WDFY4: variants seen among roughly 807,000 people sequenced by gnomAD.
WDFY4 encodes WD repeat- and FYVE domain-containing protein 4.
A neutral mutation model predicts 351.9 loss-of-function variants in WDFY4; 169 were observed. The ratio of observed to expected loss-of-function variants is 0.48; its 90% CI spans 0.42 to 0.55. The LOEUF (loss-of-function observed/expected upper bound fraction) is 0.55, where lower values mean the gene tolerates loss of function less well. WDFY4 is among the 20% of genes least tolerant of loss of function. The probability of loss-of-function intolerance (pLI) is 0.00; values close to 1 mark genes in which losing one functional copy is unlikely to be tolerated. For synonymous variants in WDFY4, 1,622 were observed against 1,574.6 expected (o/e 1.03, Z -0.71); for missense variants, 3,803 against 3,935.6 (o/e 0.97, Z 0.90).
At chr10:48,898,091 C>T (rs536330362) in intron 45 of WDFY4, among the ~76,000 whole-genome samples, 3 of 152,138 alleles carry the variant, frequency 2.0e-5, no homozygotes, top group African/African-American at 7.2e-5. Context: ...GCTGCCCCCT[C>T]CAACCAGGAT....
At position 48,820,255 on chromosome 10, in the gene WDFY4, C is replaced by G. The variant is rs747717433; in HGVS notation, c.5527C>G (p.Arg1843Gly). Residue 1843 changes from arginine to glycine, a missense_variant, in exon 33 of 62, where the codon CGG (arginine) becomes GGG (glycine). Transcript: ENST00000325239. ...AQKGVGAEST[R>G]NTSSPEAAAE... ...TGAGGGGGTTGGGGCTGAGTCCACC[C>G]GGAACACCAGCAGTCCTGAGGCCGC... 2 of 1,551,524 alleles carry G rather than the reference C, an allele frequency of 1.3e-6. No individual in the cohort carries two copies. The highest frequency in any genetic ancestry group is 2.7e-5 in the African/African-American group (2 of 73,020).
Position 48,798,952 on chromosome 10 carries a change from A to G in WDFY4, c.4410+2502A>G, listed in dbSNP as rs143672112. Among the ~76,000 whole-genome samples, 197 of 152,326 alleles carry G rather than the reference A, an allele frequency of 1.3e-3. 2 individuals carry two copies. In the Middle Eastern group the frequency reaches 0.014, roughly 11 times the overall value. The stretch of plus-strand genomic sequence containing the variant: ...CCTGGAGAATGGGCTCCCTGTGCAC[A>G]AGGGGAAAGAAGATGTACATAAATG... On this transcript the variant is annotated intron_variant, in intron 24 of 61. Coordinates refer to ENST00000325239, the MANE Select transcript of WDFY4 (RefSeq NM_001394531.1).
At chr10:48,943,102 GTT>G (rs752599621) in intron 48 of WDFY4, among the ~76,000 whole-genome samples, 1 of 147,256 alleles carries the variant, frequency 6.8e-6, no homozygotes, top group Admixed American at 6.8e-5. Context: ...ACTGCATTGG[GTT>G]TTTTTTTTTT....
In WDFY4 at chr10:48,779,985, C is replaced by CA; in HGVS notation, c.3443dup (p.Leu1149AlafsTer23). 1 of 1,551,808 alleles carries CA rather than the reference C, an allele frequency of 6.4e-7. No homozygotes were observed. The stretch of plus-strand genomic sequence containing the variant: ...TGACTCCGAGCCTTCTGCAGGATGC[C>CA]AGCTTCAGGTCAGGTGTGGCCAGCT... On this transcript the variant is annotated frameshift_variant, in exon 19 of 62. Coordinates refer to ENST00000325239, the MANE Select transcript of WDFY4 (RefSeq NM_001394531.1). LOFTEE classifies it high-confidence loss of function.
chr10:48,694,559 G>C (rs191026571), intron 1 of WDFY4, among the ~76,000 whole-genome samples: 21 of 152,190 alleles, frequency 1.4e-4, no homozygotes, highest in African/African-American at 4.8e-4. Flanking sequence ...ACCAGTGACA[G>C]GCAGCTGCCA....
At chr10:48,943,203 C>T (rs1370740382) in intron 48 of WDFY4, 127 bp from the exon 49 acceptor site, 7 of 1,114,532 alleles carry the variant, frequency 6.3e-6, no homozygotes, top group South Asian at 3.3e-5. Flanking sequence ...ACAAAGTAAC[C>T]GAGGGGCTGG....
intron 1 of WDFY4, among the ~76,000 whole-genome samples, chr10:48,695,319 G>A (rs1459316877): frequency 6.6e-6 from 1 of 152,142 alleles, no homozygotes; most frequent in African/African-American, 2.4e-5. Context: ...TATGGCTGAG[G>A]GTCAGCAACA....
chr10:48,721,408 A>G, intron 4 of WDFY4, 41 bp downstream of exon 4: 2 of 1,531,508 alleles, frequency 1.3e-6, no homozygotes, highest in Non-Finnish European at 1.8e-6. Flanking sequence ...GGCACTGCTC[A>G]TCTAGGTGCA....
intron 12 of WDFY4, chr10:48,745,537 T>A: frequency 2.7e-6 from 1 of 368,736 alleles, no homozygotes; most frequent in Non-Finnish European, 5.1e-6. Context: ...ACAGGCCTTA[T>A]TGGGCTCATG....
chr10:48,976,976 C>G lies in WDFY4; in HGVS notation c.9288C>G (p.Val3096=). Residue 3096 remains valine (V), a synonymous_variant, in exon 59 of 62, where the codon GTC becomes GTG. Coordinates refer to ENST00000325239, the MANE Select transcript of WDFY4 (RefSeq NM_001394531.1). ...IIITGSQDGM[V]RVWKTEDVKM... ...TCACCGGGAGTCAAGACGGCATGGTCCGGGTAGGTGTGTCTTGGGCAGAAT... is the reference window on the plus strand; with the variant it reads ...TCACCGGGAGTCAAGACGGCATGGTGCGGGTAGGTGTGTCTTGGGCAGAAT... The G allele has an allele frequency of 6.9e-7, 1 of 1,453,720 alleles. No individual in the cohort carries two copies. Among genetic ancestry groups the G allele is most frequent in the Non-Finnish European group, 9.2e-7 (1 of 1,092,558 alleles). 90.1% of individuals were successfully genotyped at this position (1,453,720 alleles called of 1,614,324 possible). A position where few individuals can be genotyped will look rare whatever the true frequency, so the allele number is the denominator to read the frequency against.
Position 48,776,905 on chromosome 10 carries a change from T to TC in WDFY4, c.3023dup (p.Arg1009ThrfsTer18). On this transcript the variant is annotated frameshift_variant, in exon 16 of 62. Transcript: ENST00000325239. LOFTEE classifies it high-confidence loss of function. The stretch of plus-strand genomic sequence containing the variant: ...GGCGCTGAGCCTCATCTCCATGACC[T>TC]CCCCACGCAACCTGCAGCCTCAGAG... The TC allele has an allele frequency of 6.4e-7, 1 of 1,552,154 alleles. No homozygotes were observed. The highest frequency in any genetic ancestry group is 8.7e-7 in the Non-Finnish European group (1 of 1,147,080).
intron 57 of WDFY4, among the ~76,000 whole-genome samples, chr10:48,971,836 G>A (rs1471934440): frequency 6.6e-6 from 1 of 152,208 alleles, no homozygotes; most frequent in East Asian, 1.9e-4. Flanking sequence ...GCTGTTGTCA[G>A]TGGGCTGGGT....
intron 14 of WDFY4, 112 bp downstream of exon 14, chr10:48,774,784 C>A: frequency 7.6e-7 from 1 of 1,320,052 alleles, no homozygotes; most frequent in Non-Finnish European, 1.1e-6. Context: ...GAGGGCACGG[C>A]TCTGTCCTGG....
intron 54 of WDFY4, among the ~76,000 whole-genome samples, chr10:48,964,781 C>T (rs1842004988): frequency 6.6e-6 from 1 of 152,206 alleles, no homozygotes; most frequent in African/African-American, 2.4e-5. Flanking sequence ...AAGTTAGGTG[C>T]TTATTTAATT....
At chr10:48,727,180 TC>T (rs2064297951) in intron 6 of WDFY4, among the ~76,000 whole-genome samples, 1 of 152,178 alleles carries the variant, frequency 6.6e-6, no homozygotes, top group Non-Finnish European at 1.5e-5. Context: ...GCATTTTACA[TC>T]TCACTACCTA....
rs998137727 is a variant in WDFY4, at chr10:48,900,298, C to T, written c.7515C>T (p.Ala2505=). The T allele has an allele frequency of 1.5e-5, 23 of 1,551,074 alleles. No homozygotes were observed. The highest frequency in any genetic ancestry group is 2.0e-5 in the Non-Finnish European group (23 of 1,146,696). ...TCTACAACAATGATCGGAGTAAGGC[C>T]TTTAAAAGGTAAGAGCTTGAAAATC... The part of the protein sequence containing the change: ...LVFYNNDRSK[A]FKSFCSFQPS... Residue 2505 remains alanine, a synonymous_variant, in exon 46 of 62, where the codon GCC becomes GCT. Transcript: ENST00000325239.
In WDFY4 at chr10:48,875,087, A is replaced by G; in HGVS notation, c.6949-2A>G. 1.3e-6 allele frequency: 2 copies of G among 1,483,110 alleles called. No homozygotes were observed. The highest frequency in any genetic ancestry group is 1.4e-5 in the South Asian group (1 of 69,772). 91.9% of individuals were successfully genotyped at this position (1,483,110 alleles called of 1,614,324 possible). On this transcript the variant is annotated splice_acceptor_variant, in intron 41 of 61. Transcript: ENST00000325239. LOFTEE classifies it high-confidence loss of function. ...TTTTTCTTTTCAATGTCCTTATTTC[A>G]GGAAAGCCAAGACAAAAATGATCAT...
At chr10:48,826,983 T>C (rs757372921) in intron 36 of WDFY4, 74 bp downstream of exon 36, 6 of 1,239,266 alleles carry the variant, frequency 4.8e-6, no homozygotes, top group Admixed American at 2.1e-5. Flanking sequence ...GAAAGCTTGA[T>C]TGAGGACTGA....
In WDFY4 at chr10:48,882,968, ATC is replaced by A. The variant is rs147406514; in HGVS notation, c.7167+5775_7167+5776del. Among the ~76,000 whole-genome samples the A allele has an allele frequency of 1.0e-2, 1,518 of 152,192 alleles. 24 individuals are homozygous for A. Among genetic ancestry groups the A allele is most frequent in the South Asian group, 0.041 (199 of 4,824 alleles). On this transcript the variant is annotated intron_variant, in intron 43 of 61. Coordinates refer to ENST00000325239, the MANE Select transcript of WDFY4 (RefSeq NM_001394531.1). ...TGGAATTGCTAGGATTTGACCTCAG[ATC>A]TCTCTTATTCTCAGTTCATGTGTTT...
Sources: gnomAD v4.1 joint callset for allele counts (sites outside exome capture counted in the v4.1 genomes callset) on GRCh38, gnomAD v4.1.1 for gene constraint, MANE v1.5 for transcripts, NCBI Gene and HGNC (gene_info 2026-07-23, HGNC 2026-07-21) for gene names.